AMBRA1: variants seen among roughly 807,000 people sequenced by gnomAD.
AMBRA1 encodes the protein autophagy and beclin 1 regulator 1.
In AMBRA1, 47 loss-of-function variants were observed where a neutral mutation model predicts 125.4. The ratio of observed to expected loss-of-function variants is 0.37; its 90% CI spans 0.30 to 0.48. AMBRA1 has a LOEUF of 0.48. AMBRA1 is among the 20% of genes least tolerant of loss of function. The pLI, the probability that AMBRA1 is intolerant of heterozygous loss-of-function variation, is 0.99. For synonymous variants in AMBRA1, 626 were observed against 655.5 expected (o/e 0.95, Z 0.69); for missense variants, 1,331 against 1,693.4 (o/e 0.79, Z 3.76).
chr11:46,432,400 A>C (rs914879196), intron 14 of AMBRA1, among the ~76,000 whole-genome samples: 1 of 152,210 alleles, frequency 6.6e-6, no homozygotes, highest in Admixed American at 6.5e-5. Flanking sequence ...AGAAGCTTGA[A>C]AAGTGGCTCA....
At chr11:46,468,861 A>C (rs1022258035) in intron 11 of AMBRA1, among the ~76,000 whole-genome samples, 1 of 150,842 alleles carries the variant, frequency 6.6e-6, no homozygotes, top group African/African-American at 2.4e-5. Context: ...AAAAGGAGGA[A>C]GGCCAGACAC....
Position 46,542,755 on chromosome 11 carries a change from C to A in AMBRA1, c.1262G>T (p.Arg421Leu). ...GCGGGAGTTCAGACTGAGTACTGTCCGGGTCCACTCAGATCCTGTCAACCC... is the reference window on the plus strand; with the variant it reads ...GCGGGAGTTCAGACTGAGTACTGTCAGGGTCCACTCAGATCCTGTCAACCC... ...APGLTGSEWT[R>L]TVLSLNSRSE... is the part of the protein sequence containing the mutation. The change falls in exon 7 of 18, where the codon CGG (arginine) becomes CTG (leucine). Residue 421 changes from arginine (R) to leucine (L), a missense_variant. Arg to Leu is a moderately radical substitution (Grantham distance 102, BLOSUM62 -2). Around this residue, in one of 4 missense-constraint regions of AMBRA1, gnomAD observed 689 missense variants for 776.5 expected, o/e 0.89. Transcript: ENST00000683756. The surrounding 1 kb of genome is among the most constrained non-coding windows in gnomAD (Gnocchi z 5.9). 1 of 1,613,862 alleles carries A rather than the reference C, an allele frequency of 6.2e-7. No individual in the cohort carries two copies. Among genetic ancestry groups the A allele is most frequent in the Non-Finnish European group, 8.5e-7 (1 of 1,179,976 alleles).
At chr11:46,565,774 CA>C (rs1005734299) in intron 1 of AMBRA1, among the ~76,000 whole-genome samples, 4 of 151,854 alleles carry the variant, frequency 2.6e-5, no homozygotes, top group Admixed American at 2.6e-4. Context: ...TATAAAAATT[CA>C]GATTTTTTTT....
intron 15 of AMBRA1, among the ~76,000 whole-genome samples, chr11:46,416,840 G>C (rs577720989): frequency 4.6e-5 from 7 of 152,282 alleles, no homozygotes; most frequent in African/African-American, 1.4e-4. Context: ...TCGGCAGTGA[G>C]GCAGAGCTTC....
intron 1 of AMBRA1, among the ~76,000 whole-genome samples, chr11:46,556,653 G>GTATA (rs2043164582): frequency 6.6e-6 from 1 of 152,060 alleles, no homozygotes; most frequent in Non-Finnish European, 1.5e-5. Context: ...CCTTTTCCTG[G>GTATA]TATATGATGG....
rs56090695 is a variant in AMBRA1, at chr11:46,552,368, C to CAAAAAAAAAAAA, written c.-120-3880_-120-3869dup. 7.5e-4 allele frequency among the ~76,000 whole-genome samples: 9 copies of CAAAAAAAAAAAA among 11,992 alleles called. 4 individuals carry two copies. Among genetic ancestry groups the CAAAAAAAAAAAA allele is most frequent in the African/African-American group, 1.7e-3 (7 of 4,098 alleles). The allele number at this position is 11,992 out of a possible 152,430, so 7.9% of individuals were successfully genotyped here. On this transcript the variant is annotated intron_variant, in intron 1 of 17. Transcript: ENST00000683756. ...TGAGTGACAGAGTGAGACTCCATCT[C>CAAAAAAAAAAAA]AAAAAAAAAAAAAAAAAAAAAAAAA...
chr11:46,545,169 G>T (rs1333400342), intron 5 of AMBRA1, among the ~76,000 whole-genome samples: 2 of 142,894 alleles, frequency 1.4e-5, no homozygotes, highest in African/African-American at 2.6e-5. Context: ...GCCGGGGGGG[G>T]GGGGGTGGTG....
intron 2 of AMBRA1, 145 bp from the exon 3 acceptor site, chr11:46,548,020 G>C: frequency 8.2e-7 from 1 of 1,217,000 alleles, no homozygotes; most frequent in Non-Finnish European, 1.2e-6. Flanking sequence ...TACAAATTGA[G>C]AGAGATAAAC....
chr11:46,579,179 C>T (rs1332305070), intron 1 of AMBRA1, among the ~76,000 whole-genome samples: 1 of 151,416 alleles, frequency 6.6e-6, no homozygotes, highest in Non-Finnish European at 1.5e-5. Context: ...TAAAAAGGGC[C>T]GGGCATGGTG....
rs1945488382 is a variant in AMBRA1 at position 46,396,934 on chromosome 11, C to T, written c.*516G>A. The T allele has an allele frequency of 1.3e-5, 2 of 152,942 alleles. No homozygotes were observed. The highest frequency in any genetic ancestry group is 4.1e-4 in the South Asian group (2 of 4,834). 9.5% of individuals were successfully genotyped at this position (152,942 alleles called of 1,614,324 possible). A position where few individuals can be genotyped will look rare whatever the true frequency, so the allele number is the denominator to read the frequency against. Reference sequence around the variant, plus strand: ...AGAATCTGGGAGCCTGGCCCGATCCCTGTTGGTTTCAGTGGGGTAAGACGA... The same window carrying T: ...AGAATCTGGGAGCCTGGCCCGATCCTTGTTGGTTTCAGTGGGGTAAGACGA... On this transcript the variant is annotated 3_prime_UTR_variant, in exon 18 of 18. Coordinates refer to ENST00000683756, the MANE Select transcript of AMBRA1 (RefSeq NM_001387011.1).
intron 1 of AMBRA1, among the ~76,000 whole-genome samples, chr11:46,587,236 C>T (rs180791454): frequency 0.011 from 1,735 of 151,938 alleles, 22 homozygotes; most frequent in Middle Eastern, 0.037. Flanking sequence ...AAAAATTAGC[C>T]GGACGTGGTG....
intron 1 of AMBRA1, among the ~76,000 whole-genome samples, chr11:46,583,363 A>G (rs1197010708): frequency 6.6e-6 from 1 of 151,836 alleles, no homozygotes; most frequent in Non-Finnish European, 1.5e-5. Flanking sequence ...AGATGGATTA[A>G]AGACTTAAAC....
At position 46,410,869 on chromosome 11, in the gene AMBRA1, G is replaced by A. The variant is rs187640975; in HGVS notation, c.3117-501C>T. Among the ~76,000 whole-genome samples, 9 of 152,270 alleles carry A rather than the reference G, an allele frequency of 5.9e-5. No homozygotes were observed. The South Asian group carries it at 1.2e-3, about 21-fold the overall frequency. Reference sequence around the variant, plus strand: ...TGTAATCCCAGCACTTTGGGAGGCCGAGGCGGGCAGATCACAAGGTCACAA... The same window carrying A: ...TGTAATCCCAGCACTTTGGGAGGCCAAGGCGGGCAGATCACAAGGTCACAA... On this transcript the variant is annotated intron_variant, in intron 15 of 17. Coordinates refer to ENST00000683756, the MANE Select transcript of AMBRA1 (RefSeq NM_001387011.1).
At chr11:46,420,232 C>T (rs1057061936) in intron 14 of AMBRA1, among the ~76,000 whole-genome samples, 3 of 152,110 alleles carry the variant, frequency 2.0e-5, no homozygotes, top group African/African-American at 4.8e-5. Context: ...GTAAGGAACT[C>T]GTTAAGGCTC....
intron 1 of AMBRA1, among the ~76,000 whole-genome samples, chr11:46,585,695 A>AAAATATATAT (rs1555017410): frequency 1.3e-4 from 3 of 22,912 alleles, no homozygotes; most frequent in African/African-American, 3.6e-4. Context: ...AAAAAAAAAA[A>AAAATATATAT]ATATATATAT....
chr11:46,564,218 TAAAAA>T (rs781562495), intron 1 of AMBRA1, among the ~76,000 whole-genome samples: 4 of 131,182 alleles, frequency 3.0e-5, no homozygotes, highest in Admixed American at 1.5e-4. Context: ...ATCCCAGTAT[TAAAAA>T]AAAAAAAAAG....
At chr11:46,428,329 A>G (rs1391253270) in intron 14 of AMBRA1, among the ~76,000 whole-genome samples, 2 of 152,222 alleles carry the variant, frequency 1.3e-5, no homozygotes, top group Non-Finnish European at 2.9e-5. Flanking sequence ...AAAGCTTTCA[A>G]TAAAATTGAC....
rs2136565906 is a variant in AMBRA1 at position 46,397,550 on chromosome 11, G to A, written c.3797C>T (p.Pro1266Leu). 2 of 1,561,316 alleles carry A rather than the reference G, an allele frequency of 1.3e-6. No individual in the cohort carries two copies. The highest frequency in any genetic ancestry group is 2.4e-5 in the South Asian group (2 of 82,614). The change falls in exon 18 of 18, where the codon CCA becomes CTA. Residue 1266 changes from proline to leucine, a missense_variant. Pro to Leu is a moderately conservative substitution (Grantham distance 98). Around this residue, in one of 4 missense-constraint regions of AMBRA1, gnomAD observed 144 missense variants for 133.9 expected, o/e 1.08. Coordinates refer to ENST00000683756, the MANE Select transcript of AMBRA1 (RefSeq NM_001387011.1). ...ATTGGTCAACTCGCAGTGGAGGGTT[G>A]GTCCCTCAGCGCTGGGAAGGGAAAC... ...IPVSLPSAEG[P>L]TLHCELTNNN...
intron 15 of AMBRA1, among the ~76,000 whole-genome samples, chr11:46,416,126 A>G (rs1291128827): frequency 4.6e-5 from 7 of 152,244 alleles, no homozygotes; most frequent in Admixed American, 1.3e-4. Flanking sequence ...AAAGGCCTGT[A>G]ACTGAAGTGT....
Sources: allele counts gnomAD v4.1 joint callset (sites outside exome capture counted in the v4.1 genomes callset), GRCh38; gene constraint gnomAD v4.1.1; regional missense constraint gnomAD v4.1.1; non-coding constraint Gnocchi (gnomAD v3.1); transcripts MANE v1.5; gene names NCBI Gene and HGNC (gene_info 2026-07-23, HGNC 2026-07-21).